Variants in AFF1 observed in about 807,000 individuals in gnomAD.
AFF1 encodes the protein ALF transcription elongation factor 1.
Under a neutral mutation model 121.7 loss-of-function variants are expected in AFF1, and 48 were observed. The ratio of observed to expected loss-of-function variants is 0.39; its 90% confidence interval spans 0.31 to 0.50. AFF1 has a LOEUF of 0.50. Among genes scored for constraint, AFF1 ranks in the 20% least tolerant of loss-of-function variants. AFF1 has a pLI of 0.76. For missense variants in AFF1, 1,523 were observed against 1,511.7 expected, an observed-to-expected ratio of 1.01 and a Z score of -0.12; for synonymous variants, 613 against 563.0, an observed-to-expected ratio of 1.09 and a Z score of -1.26.
chr4:87,016,214 G>A (rs1372235091), intron 2 of AFF1, among the ~76,000 whole-genome samples: 1 of 151,798 alleles, frequency 6.6e-6, no homozygotes. Flanking sequence ...GGGAAGAGGG[G>A]AATAGTTAAA....
intron 2 of AFF1, chr4:86,974,170 G>T (rs909662076): frequency 6.6e-6 from 1 of 152,136 alleles, no homozygotes; most frequent in Non-Finnish European, 1.5e-5. Flanking sequence ...TTTTGAGATG[G>T]TGCTTTCGCT....
In AFF1 at chr4:87,138,649, A is replaced by G; in HGVS notation, c.*2948A>G. 1 of 230,808 alleles carries G rather than the reference A, an allele frequency of 4.3e-6. No individual in the cohort carries two copies. The highest frequency in any genetic ancestry group is 6.1e-5 in the East Asian group (1 of 16,276). 14.3% of individuals were successfully genotyped at this position (230,808 alleles called of 1,614,324 possible). On this transcript the variant is annotated 3_prime_UTR_variant, in exon 21 of 21. Coordinates refer to ENST00000395146, the MANE Select transcript of AFF1 (RefSeq NM_001166693.3). ...AAAAACACTTTACTAAAATTTATCA[A>G]ATTATACTGGGTTCGGATTGTGAAA...
intron 4 of AFF1, among the ~76,000 whole-genome samples, chr4:87,081,076 A>T (rs1244267941): frequency 6.6e-6 from 1 of 152,004 alleles, no homozygotes; most frequent in Non-Finnish European, 1.5e-5. Flanking sequence ...TAAAATGCTA[A>T]CATTTGGGAA....
intron 2 of AFF1, among the ~76,000 whole-genome samples, chr4:87,023,661 G>T (rs1169802008): frequency 6.6e-6 from 1 of 152,256 alleles, no homozygotes; most frequent in Non-Finnish European, 1.5e-5. Context: ...TGCAGAAGCA[G>T]CAAGGAAAAT....
chr4:87,090,214 C>T (rs1724164442), intron 6 of AFF1, 144 bp downstream of exon 6: 1 of 578,420 alleles, frequency 1.7e-6, no homozygotes, highest in Non-Finnish European at 3.0e-6. Flanking sequence ...TTCTACAGTG[C>T]TTCAGAATGC....
intron 2 of AFF1, among the ~76,000 whole-genome samples, chr4:87,013,666 C>T (rs947721833): frequency 9.6e-5 from 13 of 135,368 alleles, no homozygotes; most frequent in African/African-American, 3.3e-4. Flanking sequence ...AAGATCTTAC[C>T]TTTTTTTTTT....
Position 87,135,706 on chromosome 4 carries a change from G to T in AFF1, c.*5G>T. On this transcript the variant is annotated 3_prime_UTR_variant, in exon 21 of 21. Coordinates refer to ENST00000395146, the MANE Select transcript of AFF1 (RefSeq NM_001166693.3). ...GAATTAACCAAAACACCTTAATGGA[G>T]CCCCAGGTTGATTCAATGCCTTGGG... is the stretch of plus-strand genomic sequence containing the variant. 1 of 1,608,532 alleles carries T rather than the reference G, an allele frequency of 6.2e-7. No homozygotes were observed. The highest frequency in any genetic ancestry group is 8.5e-7 in the Non-Finnish European group (1 of 1,177,470).
intron 2 of AFF1, chr4:87,007,215 C>T (rs1235194708): frequency 6.9e-7 from 1 of 1,444,050 alleles, no homozygotes; most frequent in Non-Finnish European, 9.0e-7. Flanking sequence ...TTAGCGCGAG[C>T]CAATACGGGC....
At chr4:86,949,988 A>G in intron 2 of AFF1, 1 of 1,614,126 alleles carries the variant, frequency 6.2e-7, no homozygotes, top group South Asian at 1.1e-5. Context: ...CTGGCAGATC[A>G]CAAAGATGGC....
At chr4:87,132,173 G>T in intron 18 of AFF1, 98 bp from the exon 19 acceptor site, 1 of 1,429,210 alleles carries the variant, frequency 7.0e-7, no homozygotes, top group Non-Finnish European at 9.5e-7. Context: ...ACACAGGTGA[G>T]GCAAACCCGG....
intron 1 of AFF1, among the ~76,000 whole-genome samples, chr4:86,946,229 A>G (rs371316405): frequency 1.2e-4 from 19 of 152,088 alleles, no homozygotes; most frequent in East Asian, 7.7e-4. Context: ...GTAGAACCGC[A>G]ATACCCTACC....
At chr4:87,130,533 A>AT (rs1728730079) in intron 16 of AFF1, among the ~76,000 whole-genome samples, 1 of 152,204 alleles carries the variant, frequency 6.6e-6, no homozygotes, top group South Asian at 2.1e-4. Flanking sequence ...GGACTCTGAA[A>AT]TGTTACCCCT....
intron 8 of AFF1, among the ~76,000 whole-genome samples, chr4:87,100,242 G>A (rs981512235): frequency 6.6e-6 from 1 of 151,882 alleles, no homozygotes; most frequent in Admixed American, 6.6e-5. Flanking sequence ...TGGGATGCTG[G>A]GCTGTTAAAC....
At chr4:87,095,382 G>T (rs1224526203) in intron 8 of AFF1, among the ~76,000 whole-genome samples, 1 of 152,220 alleles carries the variant, frequency 6.6e-6, no homozygotes, top group African/African-American at 2.4e-5. Context: ...GCCTCCCAAA[G>T]TGTTGGGATT....
intron 2 of AFF1, among the ~76,000 whole-genome samples, chr4:86,995,813 G>C (rs1725115846): frequency 1.3e-5 from 2 of 149,360 alleles, no homozygotes; most frequent in South Asian, 4.3e-4. Context: ...TGGCTGCCCA[G>C]TCTGGAAAGT....
In AFF1 at chr4:87,114,727, A is replaced by T. The variant is rs774462481; in HGVS notation, c.1894A>T (p.Arg632Trp). 6.2e-7 allele frequency: 1 copy of T among 1,613,892 alleles called. No homozygotes were observed. The highest frequency in any genetic ancestry group is 1.3e-5 in the African/African-American group (1 of 74,906). ...AGSRTSLQGE[R>W]EPGLLPYGSR... ...TTCACGGACCAGCCTGCAGGGGGAAAGGGAGCCAGGGCTTCTTCCCTATGG... is the reference window on the plus strand; with the variant it reads ...TTCACGGACCAGCCTGCAGGGGGAATGGGAGCCAGGGCTTCTTCCCTATGG... Residue 632 changes from arginine (R) to tryptophan (W), a missense_variant, in exon 12 of 21, where the codon AGG becomes TGG. This residue lies in a region of AFF1 where 905 missense variants were observed against 842.5 expected (regional missense o/e 1.07). Transcript: ENST00000395146.
chr4:86,935,352 C>G (rs2149434003), intron 1 of AFF1, 112 bp downstream of exon 1: 1 of 152,534 alleles, frequency 6.6e-6, no homozygotes, highest in African/African-American at 2.4e-5. Flanking sequence ...TGCCGGCTTC[C>G]CAGCACGCTG....
chr4:86,940,410 G>C (rs1379713691), intron 1 of AFF1, among the ~76,000 whole-genome samples: 1 of 152,126 alleles, frequency 6.6e-6, no homozygotes, highest in Non-Finnish European at 1.5e-5. Context: ...AGGGAATCCT[G>C]AGTTTTTATG....
intron 2 of AFF1, among the ~76,000 whole-genome samples, chr4:87,021,129 T>G (rs1009102466): frequency 6.6e-6 from 1 of 152,194 alleles, no homozygotes; most frequent in Non-Finnish European, 1.5e-5. Flanking sequence ...TCTCAGAATT[T>G]TTGTGGCTGT....
Sources: gnomAD v4.1 joint callset for allele counts (sites outside exome capture counted in the v4.1 genomes callset) on GRCh38, gnomAD v4.1.1 for gene constraint, gnomAD v4.1.1 regional missense constraint, MANE v1.5 for transcripts, NCBI Gene and HGNC (gene_info 2026-07-23, HGNC 2026-07-21) for gene names.